The following NUP214 variants were observed in gnomAD, a reference collection of about 807,000 sequenced individuals.
The protein encoded by NUP214 is nuclear pore complex protein Nup214.
Under a neutral mutation model 196.2 loss-of-function variants are expected in NUP214, and 79 were observed. That is an observed-to-expected ratio of 0.40 (90% confidence interval 0.34 to 0.49). The LOEUF (loss-of-function observed/expected upper bound fraction) is 0.49. Ranked by LOEUF, NUP214 falls within the 20% of genes least tolerant of loss-of-function variation. NUP214 has a pLI of 0.58. For missense variants in NUP214, 2,468 were observed against 2,539.0 expected (o/e 0.97, Z 0.60); for synonymous variants, 1,020 against 990.5 (o/e 1.03, Z -0.56).
Position 131,232,188 on chromosome 9 carries a change from C to A in NUP214, c.6215-96C>A. 2 of 1,344,068 alleles carry A rather than the reference C, an allele frequency of 1.5e-6. No individual in the cohort carries two copies. Among genetic ancestry groups the A allele is most frequent in the Non-Finnish European group, 2.1e-6 (2 of 933,676 alleles). 83.3% of individuals were successfully genotyped at this position (1,344,068 alleles called of 1,614,324 possible). A position where few individuals can be genotyped will look rare whatever the true frequency, so the allele number is the denominator to read the frequency against. ...TGGTGGAGGCACGGAGGGCTTCCCACAAGAAGCACAGAGGAGGGCAGACAC... is the reference window on the plus strand; with the variant it reads ...TGGTGGAGGCACGGAGGGCTTCCCAAAAGAAGCACAGAGGAGGGCAGACAC... On this transcript the variant is annotated intron_variant, in intron 34 of 35. Transcript: ENST00000359428. The surrounding 1 kb of genome is among the most constrained non-coding windows in gnomAD (Gnocchi z 5.1).
intron 24 of NUP214, among the ~76,000 whole-genome samples, chr9:131,184,867 TAG>T (rs1833407174): frequency 6.6e-6 from 1 of 152,238 alleles, no homozygotes; most frequent in Non-Finnish European, 1.5e-5. Flanking sequence ...GAATTGAATA[TAG>T]AGTGTTTGTT....
At chr9:131,128,941 T>C in intron 3 of NUP214, 2 of 345,116 alleles carry the variant, frequency 5.8e-6, no homozygotes, top group African/African-American at 2.1e-5. Flanking sequence ...AGAAACAGGC[T>C]CAGAGTTTAA....
At chr9:131,142,807 A>G (rs1450459916) in intron 11 of NUP214, among the ~76,000 whole-genome samples, 8 of 152,208 alleles carry the variant, frequency 5.3e-5, no homozygotes, top group East Asian at 1.9e-4. Context: ...TGGTATTTTC[A>G]TACTTGTATC....
chr9:131,227,749 A>G (rs1834761809), intron 32 of NUP214, among the ~76,000 whole-genome samples: 1 of 152,098 alleles, frequency 6.6e-6, no homozygotes. Flanking sequence ...CTAGGTAGGG[A>G]TTGGAGTTTT....
intron 31 of NUP214, among the ~76,000 whole-genome samples, chr9:131,220,803 A>T (rs1834536480): frequency 6.6e-6 from 1 of 152,218 alleles, no homozygotes. Flanking sequence ...TGCTTGTTCC[A>T]CTATGATATG....
intron 26 of NUP214, chr9:131,191,075 T>C (rs1833585185): frequency 6.6e-6 from 1 of 152,190 alleles, no homozygotes; most frequent in Non-Finnish European, 1.5e-5. Context: ...TTGTTTATTT[T>C]AGAAGGTTGG....
At chr9:131,226,618 T>C (rs1049643970) in intron 32 of NUP214, among the ~76,000 whole-genome samples, 2 of 32,754 alleles carry the variant, frequency 6.1e-5, no homozygotes, top group African/African-American at 1.2e-4. Context: ...TAAGGGTTTT[T>C]TAGCACTTTT....
In NUP214 at chr9:131,198,469, C is replaced by A. The variant is rs1225110446; in HGVS notation, c.4975C>A (p.Gln1659Lys). 1.2e-6 allele frequency: 2 copies of A among 1,614,186 alleles called. No individual in the cohort carries two copies. The highest frequency in any genetic ancestry group is 4.5e-5 in the East Asian group (2 of 44,828). ...TGCCAGTTCTAGCTCAGCTTTCAACCAGCTCACCAACAACACAGCCACTGC... is the reference window on the plus strand; with the variant it reads ...TGCCAGTTCTAGCTCAGCTTTCAACAAGCTCACCAACAACACAGCCACTGC... ...PAASSSSAFN[Q>K]LTNNTATAPS... is the part of the protein sequence containing the mutation. The change falls in exon 29 of 36, where the codon CAG (glutamine) becomes AAG (lysine). Residue 1659 changes from glutamine to lysine, a missense_variant. This residue lies in a region of NUP214 where 1,801 missense variants were observed against 1,779.4 expected (regional missense o/e 1.01). Coordinates refer to ENST00000359428, the MANE Select transcript of NUP214 (RefSeq NM_005085.4).
At position 131,125,862 on chromosome 9, in the gene NUP214, C is replaced by T; in HGVS notation, c.45+113C>T. Reference sequence around the variant, plus strand: ...TCCCGCCTCCTGCTTGAACAGTTTACCGCGTTCACAGCTCTCACCAGCGCG... The same window carrying T: ...TCCCGCCTCCTGCTTGAACAGTTTATCGCGTTCACAGCTCTCACCAGCGCG... On this transcript the variant is annotated intron_variant, in intron 1 of 35. Transcript: ENST00000359428. This position sits in a 1 kb window ranked among gnomAD's most constrained non-coding sequence, Gnocchi z 4.1. 1 of 1,281,784 alleles carries T rather than the reference C, an allele frequency of 7.8e-7. No homozygotes were observed. The highest frequency in any genetic ancestry group is 1.1e-6 in the Non-Finnish European group (1 of 916,984). 79.4% of individuals were successfully genotyped at this position (1,281,784 alleles called of 1,614,324 possible). A position where few individuals can be genotyped will look rare whatever the true frequency, so the allele number is the denominator to read the frequency against.
At chr9:131,138,312 G>C (rs1046273768) in intron 9 of NUP214, among the ~76,000 whole-genome samples, 3 of 144,718 alleles carry the variant, frequency 2.1e-5, no homozygotes, top group African/African-American at 7.7e-5. Flanking sequence ...TCTGCTTTCC[G>C]GGTTCAAGTG....
chr9:131,161,258 C>A (rs1832623002), intron 18 of NUP214, among the ~76,000 whole-genome samples: 1 of 133,516 alleles, frequency 7.5e-6, no homozygotes, highest in African/African-American at 2.7e-5. Context: ...TATTGAAATG[C>A]CTTTTTTTTT....
intron 26 of NUP214, chr9:131,190,599 G>A (rs546891374): frequency 1.6e-5 from 9 of 570,782 alleles, no homozygotes; most frequent in Non-Finnish European, 2.7e-5. Flanking sequence ...AACCTCTAGA[G>A]AATAGTTCTC....
At chr9:131,215,747 T>G (rs1834374913) in intron 31 of NUP214, among the ~76,000 whole-genome samples, 1 of 152,144 alleles carries the variant, frequency 6.6e-6, no homozygotes, top group Non-Finnish European at 1.5e-5. Context: ...ATGCAGACTT[T>G]CATTTGGATA....
chr9:131,142,684 G>C (rs1831955087), intron 11 of NUP214, among the ~76,000 whole-genome samples: 1 of 152,228 alleles, frequency 6.6e-6, no homozygotes, highest in Non-Finnish European at 1.5e-5. Flanking sequence ...ACAGAAGTTA[G>C]TTGTAGCTGG....
Position 131,192,198 on chromosome 9 carries a change from A to AAAAATT in NUP214, c.3575-10_3575-9insAAAATT. On this transcript the variant is annotated splice_polypyrimidine_tract_variant and intron_variant, in intron 26 of 35. Transcript: ENST00000359428. ...TTTTTTTTTTTTTTTTTTTTTTTCC[A>AAAAATT]TAATTTCAGGGACAGCCAAGATAGA... The AAAAATT allele has an allele frequency of 2.3e-6, 1 of 432,386 alleles. No individual in the cohort carries two copies. The highest frequency in any genetic ancestry group is 3.3e-6 in the Non-Finnish European group (1 of 299,974). 26.8% of individuals were successfully genotyped at this position (432,386 alleles called of 1,614,324 possible).
chr9:131,128,499 A>G lies in NUP214; in HGVS notation c.393+16A>G. On this transcript the variant is annotated intron_variant, in intron 3 of 35. Transcript: ENST00000359428. ...CTCAAATGAGGTAAGCTACTGTTATACTGTGATGTCAACATGAGAACCCTA... is the reference window on the plus strand; with the variant it reads ...CTCAAATGAGGTAAGCTACTGTTATGCTGTGATGTCAACATGAGAACCCTA... 1 of 1,597,344 alleles carries G rather than the reference A, an allele frequency of 6.3e-7. No homozygotes were observed. Among genetic ancestry groups the G allele is most frequent in the Non-Finnish European group, 8.6e-7 (1 of 1,169,038 alleles).
At position 131,198,449 on chromosome 9, in the gene NUP214, G is replaced by GT; in HGVS notation, c.4957dup (p.Ser1653PhefsTer2). 1 of 1,614,224 alleles carries GT rather than the reference G, an allele frequency of 6.2e-7. No homozygotes were observed. The highest frequency in any genetic ancestry group is 8.5e-7 in the Non-Finnish European group (1 of 1,180,040). On this transcript the variant is annotated frameshift_variant, in exon 29 of 36. Transcript: ENST00000359428. LOFTEE classifies it high-confidence loss of function. ...GTCTTTGCTCAGCCTCCTGCTGCCA[G>GT]TTCTAGCTCAGCTTTCAACCAGCTC...
At position 131,215,374 on chromosome 9, in the gene NUP214, T is replaced by C; in HGVS notation, c.5749+6T>C. 1 of 1,582,776 alleles carries C rather than the reference T, an allele frequency of 6.3e-7. No homozygotes were observed. The highest frequency in any genetic ancestry group is 2.3e-5 in the East Asian group (1 of 42,766). Reference sequence around the variant, plus strand: ...TGGATCCACAGCTACCTCAAGTAAGTTGAGAAGACTTTTCCCAGTCCCTTG... The same window carrying C: ...TGGATCCACAGCTACCTCAAGTAAGCTGAGAAGACTTTTCCCAGTCCCTTG... On this transcript the variant is annotated splice_donor_region_variant and intron_variant, in intron 31 of 35. Coordinates refer to ENST00000359428, the MANE Select transcript of NUP214 (RefSeq NM_005085.4).
chr9:131,184,683 C>G (rs1004823253), intron 24 of NUP214, among the ~76,000 whole-genome samples: 1 of 152,112 alleles, frequency 6.6e-6, no homozygotes, highest in African/African-American at 2.4e-5. Context: ...TAATGCAATT[C>G]CGTCTTAATT....
Sources: allele counts gnomAD v4.1 joint callset (sites outside exome capture counted in the v4.1 genomes callset), GRCh38; gene constraint gnomAD v4.1.1; regional missense constraint gnomAD v4.1.1; non-coding constraint Gnocchi (gnomAD v3.1); transcripts MANE v1.5; gene names NCBI Gene and HGNC (gene_info 2026-07-23, HGNC 2026-07-21).